The following MRPL48 variants were observed in gnomAD, a reference collection of about 807,000 sequenced individuals.
MRPL48 encodes the protein large ribosomal subunit protein mL48.
In MRPL48, 16 loss-of-function variants were observed where a neutral mutation model predicts 32.9. That is an observed-to-expected ratio of 0.49 (90% confidence interval 0.33 to 0.74). MRPL48 has a LOEUF of 0.74. Ranked by LOEUF, MRPL48 falls within the 30% of genes least tolerant of loss-of-function variation. The pLI is 0.02. For missense variants in MRPL48, 206 were observed against 245.3 expected, an observed-to-expected ratio of 0.84 and a Z score of 1.07; for synonymous variants, 94 against 89.2, an observed-to-expected ratio of 1.05 and a Z score of -0.31.
rs11825819 is a variant in MRPL48, at chr11:73,864,879, C to G, written c.*509C>G. 3,128 of 153,746 alleles carry G rather than the reference C, an allele frequency of 0.02. 110 individuals are homozygous for G. The highest frequency in any genetic ancestry group is 0.07 in the African/African-American group (2,913 of 41,542). 9.5% of individuals were successfully genotyped at this position (153,746 alleles called of 1,614,324 possible). ...CGATCTAGACTCACTGCAAGCTCTG[C>G]CTCCCGGGTTCACACCATTCTCCTG... On this transcript the variant is annotated 3_prime_UTR_variant, in exon 8 of 8. Coordinates refer to ENST00000310614, the MANE Select transcript of MRPL48 (RefSeq NM_016055.6).
intron 1 of MRPL48, among the ~76,000 whole-genome samples, chr11:73,804,456 T>A (rs540047427): frequency 6.6e-6 from 1 of 151,282 alleles, no homozygotes; most frequent in Non-Finnish European, 1.5e-5. Context: ...TTTGTAATTT[T>A]AGTAGAGACA....
chr11:73,848,961 A>G (rs1948343309), intron 5 of MRPL48, among the ~76,000 whole-genome samples: 1 of 151,916 alleles, frequency 6.6e-6, no homozygotes, highest in Non-Finnish European at 1.5e-5. Context: ...AGCTGGGACT[A>G]CAGGTGTGTG....
At chr11:73,810,693 G>A (rs529383310) in intron 3 of MRPL48, among the ~76,000 whole-genome samples, 2 of 151,534 alleles carry the variant, frequency 1.3e-5, no homozygotes, top group Non-Finnish European at 2.9e-5. Flanking sequence ...TTCTCCTAAT[G>A]TTATCTCTCC....
intron 4 of MRPL48, among the ~76,000 whole-genome samples, chr11:73,839,657 A>C (rs1948157662): frequency 6.6e-6 from 1 of 152,188 alleles, no homozygotes; most frequent in Non-Finnish European, 1.5e-5. Context: ...TCTAAATGTA[A>C]ATATTAAAAT....
At chr11:73,834,649 T>C (rs1948062218) in intron 4 of MRPL48, among the ~76,000 whole-genome samples, 1 of 151,538 alleles carries the variant, frequency 6.6e-6, no homozygotes, top group Non-Finnish European at 1.5e-5. Context: ...TTCTCCTGCC[T>C]CAGCCTCCCG....
At chr11:73,827,075 C>A (rs971095462) in intron 4 of MRPL48, among the ~76,000 whole-genome samples, 1 of 151,974 alleles carries the variant, frequency 6.6e-6, no homozygotes, top group Non-Finnish European at 1.5e-5. Context: ...CAAGCCTGGC[C>A]TCTTATTGTA....
chr11:73,839,451 A>G (rs2135042248), intron 4 of MRPL48, among the ~76,000 whole-genome samples: 1 of 152,312 alleles, frequency 6.6e-6, no homozygotes, highest in East Asian at 1.9e-4. Flanking sequence ...TATCTCATGG[A>G]TAGACAAATA....
chr11:73,835,468 A>G (rs1017641873), intron 4 of MRPL48, among the ~76,000 whole-genome samples: 2 of 152,188 alleles, frequency 1.3e-5, no homozygotes, highest in African/African-American at 4.8e-5. Flanking sequence ...TTGAACTAGC[A>G]CTTTGCAAAC....
intron 4 of MRPL48, chr11:73,842,767 G>A (rs56307666): frequency 0.14 from 21,578 of 152,084 alleles, 1,611 homozygotes; most frequent in African/African-American, 0.16. Context: ...CACCGCGCCC[G>A]GCCCCTTATT....
At chr11:73,800,885 C>T (rs1167361881) in intron 1 of MRPL48, among the ~76,000 whole-genome samples, 1 of 148,120 alleles carries the variant, frequency 6.8e-6, no homozygotes, top group African/African-American at 2.5e-5. Context: ...GATCTCGGCT[C>T]ACAGCAACCT....
At chr11:73,820,041 G>A (rs1182789503) in intron 3 of MRPL48, among the ~76,000 whole-genome samples, 1 of 152,208 alleles carries the variant, frequency 6.6e-6, no homozygotes, top group Non-Finnish European at 1.5e-5. Context: ...GTTGGAGGGT[G>A]TAGGTGCAGA....
rs556759111 is a variant in MRPL48, at chr11:73,798,080, C to T, written c.22-6947C>T. ...CTAAAGGAAAGACTGGAAACAAAAA[C>T]AATTTTTTTTTTCTTTTTTGAGACA... On this transcript the variant is annotated intron_variant, in intron 1 of 7. Transcript: ENST00000310614. Among the ~76,000 whole-genome samples, 4 of 151,960 alleles carry T rather than the reference C, an allele frequency of 2.6e-5. No individual in the cohort carries two copies. The South Asian group carries it at 8.3e-4, about 32-fold the overall frequency.
chr11:73,821,261 C>T (rs535853092), intron 3 of MRPL48, among the ~76,000 whole-genome samples: 16 of 152,174 alleles, frequency 1.1e-4, no homozygotes, highest in Non-Finnish European at 2.1e-4. Flanking sequence ...TCCCAAAGTG[C>T]AGAGATTACA....
intron 6 of MRPL48, 48 bp from the exon 7 acceptor site, chr11:73,863,124 C>T (rs543805995): frequency 3.1e-5 from 47 of 1,504,100 alleles, no homozygotes; most frequent in Middle Eastern, 2.2e-4. Context: ...CCAGTTACCT[C>T]GTTTTCAGCT....
At chr11:73,803,079 C>T (rs1467646617) in intron 1 of MRPL48, among the ~76,000 whole-genome samples, 1 of 152,052 alleles carries the variant, frequency 6.6e-6, no homozygotes, top group Non-Finnish European at 1.5e-5. Context: ...ACACAGAGTT[C>T]CCATATATCC....
chr11:73,845,373 A>G (rs567218356), intron 5 of MRPL48, among the ~76,000 whole-genome samples: 1 of 152,362 alleles, frequency 6.6e-6, no homozygotes, highest in East Asian at 1.9e-4. Context: ...CACATAAGTT[A>G]CCAGCTTAAC....
chr11:73,790,065 T>A (rs1241731504), intron 1 of MRPL48, among the ~76,000 whole-genome samples: 1 of 93,988 alleles, frequency 1.1e-5, no homozygotes, highest in Non-Finnish European at 2.2e-5. Context: ...TCAGCTAATT[T>A]TTTTTTTTTT....
intron 1 of MRPL48, among the ~76,000 whole-genome samples, chr11:73,792,328 A>G (rs1005741231): frequency 6.6e-6 from 1 of 152,132 alleles, no homozygotes; most frequent in African/African-American, 2.4e-5. Context: ...TCAGGTCTAG[A>G]TGCCACTCAC....
intron 4 of MRPL48, among the ~76,000 whole-genome samples, chr11:73,828,426 A>G (rs1947939158): frequency 6.6e-6 from 1 of 151,998 alleles, no homozygotes; most frequent in African/African-American, 2.4e-5. Context: ...GTATTTTGCC[A>G]TGTTGCCCAG....
Sources: allele counts gnomAD v4.1 joint callset (sites outside exome capture counted in the v4.1 genomes callset), GRCh38; gene constraint gnomAD v4.1.1; transcripts MANE v1.5; gene names NCBI Gene and HGNC (gene_info 2026-07-23, HGNC 2026-07-21).